Variants in DNA2 observed in about 807,000 individuals in gnomAD.
The protein encoded by DNA2 is DNA replication ATP-dependent helicase/nuclease DNA2.
Under a neutral mutation model 119.1 loss-of-function variants are expected in DNA2, and 101 were observed. The ratio of observed to expected loss-of-function variants is 0.85; its 90% CI spans 0.72 to 1.00. The LOEUF is 1.00. DNA2 is among the 50% of genes least tolerant of loss of function. The pLI, the probability that DNA2 is intolerant of heterozygous loss-of-function variation, is 0.00. For synonymous variants in DNA2, 366 were observed against 424.4 expected (o/e 0.86, Z 1.69); for missense variants, 1,121 against 1,255.5 (o/e 0.89, Z 1.62).
Position 68,414,861 on chromosome 10 carries a change from AG to A in DNA2, c.*177del. The A allele has an allele frequency of 2.4e-6, 1 of 422,538 alleles. No homozygotes were observed. The highest frequency in any genetic ancestry group is 4.3e-6 in the Non-Finnish European group (1 of 231,192). 26.2% of individuals were successfully genotyped at this position (422,538 alleles called of 1,614,324 possible). A position where few individuals can be genotyped will look rare whatever the true frequency, so the allele number is the denominator to read the frequency against. On this transcript the variant is annotated 3_prime_UTR_variant, in exon 21 of 21. Transcript: ENST00000358410. ...TAAAAATTTATCAAACTCTTTCTCT[AG>A]GTTAGGCAAAAATGCATGCATAGAA... is the stretch of plus-strand genomic sequence containing the variant.
chr10:68,441,565 C>T (rs1041869417), intron 9 of DNA2, among the ~76,000 whole-genome samples: 1 of 152,194 alleles, frequency 6.6e-6, no homozygotes, highest in Non-Finnish European at 1.5e-5. Context: ...ATCACTAAGT[C>T]AGGAGTTCAA....
At chr10:68,448,982 T>TGTGC (rs1554907497) in intron 6 of DNA2, among the ~76,000 whole-genome samples, 9 of 144,264 alleles carry the variant, frequency 6.2e-5, no homozygotes, top group Admixed American at 4.1e-4. Flanking sequence ...TGTGTGTGTG[T>TGTGC]GTGTAGTAGT....
intron 3 of DNA2, 143 bp from the exon 4 acceptor site, chr10:68,465,955 C>T (rs115385900): frequency 2.4e-5 from 14 of 571,986 alleles, no homozygotes; most frequent in African/African-American, 2.1e-4. Flanking sequence ...TTTTCTGGTG[C>T]GTGGAATTAT....
At chr10:68,472,077 T>C (rs1207734623), upstream of DNA2, 18 of 1,578,758 alleles carry the variant, frequency 1.1e-5, no homozygotes, top group East Asian at 1.2e-4. Flanking sequence ...CTCTGTCCCC[T>C]GCCTTTGCTC....
chr10:68,470,001 T>A lies in DNA2; in HGVS notation c.237A>T (p.Leu79=). ...TASQSLENKE[L]CILRNDWCSV... is the part of the protein sequence containing the mutation. Reference sequence around the variant, plus strand: ...ATTACCAGTCATTCCTAAGGATGCATAGTTCTTTATTTTCTAGTGACTGTG... The same window carrying A: ...ATTACCAGTCATTCCTAAGGATGCAAAGTTCTTTATTTTCTAGTGACTGTG... The change falls in exon 2 of 21, where the codon CTA becomes CTT. Residue 79 remains leucine, a synonymous_variant. Transcript: ENST00000358410. 3 of 1,605,494 alleles carry A rather than the reference T, an allele frequency of 1.9e-6. No homozygotes were observed.
At chr10:68,416,910 T>C in intron 19 of DNA2, 55 bp from the exon 20 acceptor site, 1 of 1,485,500 alleles carries the variant, frequency 6.7e-7, no homozygotes, top group East Asian at 2.3e-5. Flanking sequence ...TTAAATATAT[T>C]ACAACACATC....
Position 68,431,879 on chromosome 10 carries a change from T to A in DNA2, c.1966A>T (p.Thr656Ser), listed in dbSNP as rs1285121633. 1 of 1,611,502 alleles carries A rather than the reference T, an allele frequency of 6.2e-7. No individual in the cohort carries two copies. The highest frequency in any genetic ancestry group is 2.2e-5 in the East Asian group (1 of 44,848). ...AACCTTACGAGAGTACATATCGTAG[T>A]TGTTTTTCCTGTCCCAGGCATACCC... ...IVGMPGTGKT[T>S]TICTLVRILY... Residue 656 changes from threonine (T) to serine (S), a missense_variant, in exon 13 of 21, where the codon ACT (threonine) becomes TCT (serine). Transcript: ENST00000358410.
intron 6 of DNA2, 88 bp downstream of exon 6, chr10:68,449,940 C>G: frequency 1.0e-6 from 1 of 996,452 alleles, no homozygotes; most frequent in Non-Finnish European, 1.4e-6. Context: ...CGCCACTGCT[C>G]TCCAGCCTGG....
intron 3 of DNA2, among the ~76,000 whole-genome samples, 154 bp from the exon 4 acceptor site, chr10:68,465,966 A>T (rs1385543001): frequency 2.0e-5 from 3 of 152,176 alleles, no homozygotes; most frequent in African/African-American, 4.8e-5. Context: ...GTGGAATTAT[A>T]AGTGACTTTC....
Position 68,456,666 on chromosome 10 carries a change from C to T in DNA2, c.719+2438G>A, listed in dbSNP as rs368368165. Among the ~76,000 whole-genome samples the T allele has an allele frequency of 2.0e-4, 31 of 152,140 alleles. 1 individual carries two copies. In the South Asian group the frequency reaches 3.5e-3, roughly 17 times the overall value. ...TGAGCCAGTTGATACAGTGCCTCAA[C>T]CTCCAAAAGTGCAGGGATTACAGGC... On this transcript the variant is annotated intron_variant, in intron 5 of 20. Transcript: ENST00000358410.
chr10:68,442,171 T>C (rs967064175), intron 9 of DNA2, among the ~76,000 whole-genome samples: 2 of 151,776 alleles, frequency 1.3e-5, no homozygotes, highest in South Asian at 2.1e-4. Context: ...TGCTTCGGCA[T>C]CCCAAAGTGC....
intron 1 of DNA2, chr10:68,470,668 T>G (rs2052373348): frequency 7.1e-6 from 3 of 419,948 alleles, no homozygotes; most frequent in South Asian, 3.5e-5. Context: ...ACAAGAAATT[T>G]CTACCACTGG....
At chr10:68,471,981 C>A, upstream of DNA2, 4 of 1,611,796 alleles carry the variant, frequency 2.5e-6, no homozygotes, top group Non-Finnish European at 3.4e-6. Flanking sequence ...CATGCGCCAA[C>A]CCGCAGATGT....
chr10:68,416,402 G>T (rs111333451), intron 20 of DNA2, among the ~76,000 whole-genome samples: 1 of 152,058 alleles, frequency 6.6e-6, no homozygotes, highest in Non-Finnish European at 1.5e-5. Flanking sequence ...GGAGATTGAG[G>T]GTGCAGTGAG....
intron 14 of DNA2, among the ~76,000 whole-genome samples, chr10:68,427,235 G>A (rs770300755): frequency 3.7e-4 from 56 of 151,952 alleles, no homozygotes; most frequent in Admixed American, 1.8e-3. Context: ...GCGCATGCCT[G>A]TAATCCCAGC....
chr10:68,419,467 G>T, intron 18 of DNA2: 1 of 515,922 alleles, frequency 1.9e-6, no homozygotes, highest in Non-Finnish European at 3.4e-6. Context: ...TACTAAAACA[G>T]TGCACACACA....
Position 68,418,478 on chromosome 10 carries a change from T to TA in DNA2, c.2967+555dup, listed in dbSNP as rs35448515. Among the ~76,000 whole-genome samples the TA allele has an allele frequency of 1.7e-3, 233 of 140,878 alleles. 1 individual carries two copies. Among genetic ancestry groups the TA allele is most frequent in the Middle Eastern group, 3.7e-3 (1 of 270 alleles). The allele number at this position is 140,878 out of a possible 152,430, so 92.4% of individuals were successfully genotyped here. On this transcript the variant is annotated intron_variant, in intron 19 of 20. Transcript: ENST00000358410. ...TTTTAAACCACAATTTTATTTTCTT[T>TA]AAAAAAAAAAAAAACCAGAATACAT... is the stretch of plus-strand genomic sequence containing the variant.
chr10:68,440,374 T>A (rs1036897024), intron 9 of DNA2, among the ~76,000 whole-genome samples: 2 of 152,152 alleles, frequency 1.3e-5, no homozygotes, highest in African/African-American at 4.8e-5. Context: ...CTTGGCTGAC[T>A]GTAAGCTCTG....
chr10:68,446,612 C>T (rs1360409364), intron 6 of DNA2, among the ~76,000 whole-genome samples, 199 bp from the exon 7 acceptor site: 2 of 152,096 alleles, frequency 1.3e-5, no homozygotes, highest in East Asian at 3.9e-4. Context: ...CATGGTGGCT[C>T]AGGCCTGCAA....
Sources: gnomAD v4.1 joint callset for allele counts (sites outside exome capture counted in the v4.1 genomes callset) on GRCh38, gnomAD v4.1.1 for gene constraint, MANE v1.5 for transcripts, NCBI Gene and HGNC (gene_info 2026-07-23, HGNC 2026-07-21) for gene names.